RMND1: variants seen among roughly 807,000 people sequenced by gnomAD.
The protein encoded by RMND1 is required for meiotic nuclear division protein 1 homolog.
A neutral mutation model predicts 54.0 loss-of-function variants in RMND1; 41 were observed. The observed-to-expected ratio is 0.76, with a 90% CI of 0.59 to 0.98. The LOEUF (loss-of-function observed/expected upper bound fraction) is 0.98, where lower values mean the gene tolerates loss of function less well. Among genes scored for constraint, RMND1 ranks in the 50% least tolerant of loss-of-function variants. The pLI is 0.00. For synonymous variants in RMND1, 183 were observed against 181.7 expected, an observed-to-expected ratio of 1.01 and a Z score of -0.06; for missense variants, 457 against 532.0, an observed-to-expected ratio of 0.86 and a Z score of 1.39.
At chr6:151,421,444 G>T in intron 8 of RMND1, 123 bp from the exon 9 acceptor site, 1 of 614,184 alleles carries the variant, frequency 1.6e-6, no homozygotes, top group South Asian at 2.2e-5. Context: ...TTTTTAGGAT[G>T]GCTGTCTCCC....
chr6:151,428,082 C>A (rs1206800960), intron 5 of RMND1, among the ~76,000 whole-genome samples: 2 of 152,178 alleles, frequency 1.3e-5, no homozygotes, highest in South Asian at 2.1e-4. Context: ...GAGCCAATGT[C>A]AGCCGGTGTG....
At chr6:151,441,073 C>G (rs1309403544) in intron 2 of RMND1, among the ~76,000 whole-genome samples, 1 of 152,158 alleles carries the variant, frequency 6.6e-6, no homozygotes, top group Non-Finnish European at 1.5e-5. Context: ...AGCAAAAACC[C>G]CAAACCACTG....
At chr6:151,431,830 CAT>C (rs529008907) in intron 4 of RMND1, among the ~76,000 whole-genome samples, 16 of 151,868 alleles carry the variant, frequency 1.1e-4, no homozygotes, top group East Asian at 3.9e-4. Flanking sequence ...TGTTAAGAAA[CAT>C]ATTTGTGTTG....
intron 2 of RMND1, among the ~76,000 whole-genome samples, chr6:151,442,493 C>A (rs578082449): frequency 5.3e-5 from 8 of 152,290 alleles, no homozygotes; most frequent in African/African-American, 1.9e-4. Flanking sequence ...CTGTTCTCTT[C>A]AAAGACTGGA....
At chr6:151,449,369 GAA>G (rs111743448) in intron 1 of RMND1, among the ~76,000 whole-genome samples, 37 of 111,756 alleles carry the variant, frequency 3.3e-4, no homozygotes, top group Middle Eastern at 5.3e-3. Flanking sequence ...ATTCTGTAAC[GAA>G]AAAAAAAAAA....
At chr6:151,451,209 A>C (rs1476973874) in intron 1 of RMND1, among the ~76,000 whole-genome samples, 1 of 151,638 alleles carries the variant, frequency 6.6e-6, no homozygotes, top group Non-Finnish European at 1.5e-5. Context: ...AAAAAAAAAA[A>C]AAAAAAAAAA....
intron 10 of RMND1, among the ~76,000 whole-genome samples, chr6:151,409,549 G>T (rs550846687): frequency 6.6e-6 from 1 of 152,092 alleles, no homozygotes; most frequent in East Asian, 1.9e-4. Context: ...TATTTCTTGC[G>T]GACATACTGT....
intron 9 of RMND1, among the ~76,000 whole-genome samples, chr6:151,419,071 T>TACACTTAGATGTTTAACTAAA: frequency 6.6e-6 from 1 of 150,904 alleles, no homozygotes; most frequent in East Asian, 2.0e-4. Context: ...TGCCCAGCCT[T>TACACTTAGATGTTTAACTAAA]TTTCTTTTTT....
rs1780398516 is a variant in RMND1, at chr6:151,429,580, G to A, written c.729+558C>T. Among the ~76,000 whole-genome samples the A allele has an allele frequency of 4.6e-5, 7 of 151,914 alleles. No individual in the cohort carries two copies. The South Asian group carries it at 1.5e-3, about 32-fold the overall frequency. On this transcript the variant is annotated intron_variant, in intron 5 of 11. Transcript: ENST00000444024. The stretch of plus-strand genomic sequence containing the variant: ...TGTATTTTGGTAATTTCTAATTTTT[G>A]CCATTATAAATATTGCTCTGATGAA...
chr6:151,422,418 TG>T, intron 8 of RMND1, 122 bp downstream of exon 8: 1 of 491,980 alleles, frequency 2.0e-6, no homozygotes, highest in Non-Finnish European at 3.6e-6. Context: ...TGGTATCCAG[TG>T]GGGTCTTGGA....
chr6:151,443,437 G>A (rs1337518459), intron 2 of RMND1, among the ~76,000 whole-genome samples: 14 of 151,946 alleles, frequency 9.2e-5, no homozygotes, highest in African/African-American at 2.7e-4. Context: ...TCAGCCTCCC[G>A]AGCCGCTGGG....
At chr6:151,411,923 C>G (rs1385482650) in intron 10 of RMND1, 1 of 152,190 alleles carries the variant, frequency 6.6e-6, no homozygotes, top group Non-Finnish European at 1.5e-5. Flanking sequence ...ATGTGGTAGG[C>G]AGATTTCTAA....
intron 9 of RMND1, 59 bp from the exon 10 acceptor site, chr6:151,417,458 T>C (rs1040136353): frequency 7.2e-7 from 1 of 1,390,710 alleles, no homozygotes; most frequent in African/African-American, 1.5e-5. Context: ...ATTGTTTCTA[T>C]TGTATTTAAT....
At position 151,445,351 on chromosome 6, in the gene RMND1, C is replaced by A. The variant is rs773334427; in HGVS notation, c.461G>T (p.Arg154Ile). The A allele has an allele frequency of 6.2e-7, 1 of 1,613,580 alleles. No homozygotes were observed. The highest frequency in any genetic ancestry group is 2.2e-5 in the East Asian group (1 of 44,888). The change falls in exon 2 of 12, where the codon AGA (arginine) becomes ATA (isoleucine). Residue 154 changes from arginine (R) to isoleucine (I), a missense_variant. Arg to Ile is a moderately conservative substitution (Grantham distance 97). Coordinates refer to ENST00000444024, the MANE Select transcript of RMND1 (RefSeq NM_017909.4). ...TGGAAGGTTGGTCCTGGATGGCTGT[C>A]TGGTCCTGGATGCTTTTAGTGGTCT... ...VKRPLKASRT[R>I]QPSRTNLPVL...
chr6:151,431,317 T>C (rs780916841), intron 4 of RMND1, among the ~76,000 whole-genome samples: 6 of 151,964 alleles, frequency 3.9e-5, no homozygotes, highest in Non-Finnish European at 7.4e-5. Context: ...TATGCAGTGA[T>C]AGAGAATTTG....
intron 10 of RMND1, among the ~76,000 whole-genome samples, chr6:151,410,801 A>G (rs1372341310): frequency 6.6e-6 from 1 of 152,184 alleles, no homozygotes; most frequent in Non-Finnish European, 1.5e-5. Context: ...TTTGCAGTAT[A>G]ACGAAAGATA....
At position 151,405,229 on chromosome 6, in the gene RMND1, A is replaced by C. The variant is rs199905798; in HGVS notation, c.*6T>G. 7.8e-5 allele frequency: 126 copies of C among 1,611,422 alleles called. No individual in the cohort carries two copies. In the African/African-American group the frequency reaches 1.6e-3, roughly 20 times the overall value. Reference sequence around the variant, plus strand: ...CTCTTGCAGTGACACTTTGGTTATCACTTGATCAGAAAAATACTCGTCCCA... The same window carrying C: ...CTCTTGCAGTGACACTTTGGTTATCCCTTGATCAGAAAAATACTCGTCCCA... On this transcript the variant is annotated 3_prime_UTR_variant, in exon 12 of 12. Transcript: ENST00000444024.
intron 10 of RMND1, among the ~76,000 whole-genome samples, chr6:151,406,311 A>G (rs2114909291): frequency 6.6e-6 from 1 of 152,230 alleles, no homozygotes; most frequent in East Asian, 1.9e-4. Flanking sequence ...GGGGGTTCAA[A>G]GAAAATAAAG....
At chr6:151,428,492 T>C (rs1333291492) in intron 5 of RMND1, among the ~76,000 whole-genome samples, 2 of 152,230 alleles carry the variant, frequency 1.3e-5, no homozygotes, top group South Asian at 2.1e-4. Context: ...TGGGAATACT[T>C]CTTTAGGAAT....
Sources: allele counts gnomAD v4.1 joint callset (sites outside exome capture counted in the v4.1 genomes callset), GRCh38; gene constraint gnomAD v4.1.1; transcripts MANE v1.5; gene names NCBI Gene and HGNC (gene_info 2026-07-23, HGNC 2026-07-21).